Variants in SLC25A41 observed in about 807,000 individuals in gnomAD.
SLC25A41 encodes the protein solute carrier family 25 member 41.
In SLC25A41, 35 loss-of-function variants were observed where a neutral mutation model predicts 34.7. The ratio of observed to expected loss-of-function variants is 1.01; its 90% CI spans 0.77 to 1.34. The LOEUF is 1.34. Among genes scored for constraint, SLC25A41 ranks in the 40% most tolerant of loss-of-function variants. The pLI is 0.00. For synonymous variants in SLC25A41, 190 were observed against 209.9 expected (o/e 0.91, Z 0.82); for missense variants, 492 against 489.8 (o/e 1.00, Z -0.04).
chr19:6,429,120 T>TATATATGTTACATATATATA (rs2092263831), intron 4 of SLC25A41, among the ~76,000 whole-genome samples: 1 of 34,428 alleles, frequency 2.9e-5, no homozygotes, highest in African/African-American at 1.4e-4. Context: ...ATATATATAT[T>TATATATGTTACATATATATA]ATATATATGT....
In SLC25A41 at chr19:6,429,074, A is replaced by T. The variant is rs189352236; in HGVS notation, c.624+650T>A. The stretch of plus-strand genomic sequence containing the variant: ...TTATATATATGTTATATATATATAT[A>T]ATATATATATTATATATATGTTACA... On this transcript the variant is annotated intron_variant, in intron 4 of 6. Transcript: ENST00000321510. Among the ~76,000 whole-genome samples the T allele has an allele frequency of 6.3e-4, 36 of 57,256 alleles. 5 individuals carry two copies. Among genetic ancestry groups the T allele is most frequent in the Admixed American group, 6.8e-4 (2 of 2,928 alleles). The allele number at this position is 57,256 out of a possible 152,430, so 37.6% of individuals were successfully genotyped here. A position where few individuals can be genotyped will look rare whatever the true frequency, so the allele number is the denominator to read the frequency against.
rs2092261352 is a variant in SLC25A41 at position 6,429,083 on chromosome 19, AT to A, written c.624+640del. On this transcript the variant is annotated intron_variant, in intron 4 of 6. Transcript: ENST00000321510. ...TGTTATATATATATATAATATATATATTATATATATGTTACATATATATATA... is the reference window on the plus strand; with the variant it reads ...TGTTATATATATATATAATATATATATATATATATGTTACATATATATATA... Among the ~76,000 whole-genome samples, 4 of 46,578 alleles carry A rather than the reference AT, an allele frequency of 8.6e-5. 2 individuals carry two copies. The highest frequency in any genetic ancestry group is 5.2e-4 in the African/African-American group (4 of 7,636). The allele number at this position is 46,578 out of a possible 152,430, so 30.6% of individuals were successfully genotyped here. A position where few individuals can be genotyped will look rare whatever the true frequency, so the allele number is the denominator to read the frequency against.
In SLC25A41 at chr19:6,427,593, A is replaced by G; in HGVS notation, c.625-92T>C. 1 of 1,353,984 alleles carries G rather than the reference A, an allele frequency of 7.4e-7. No individual in the cohort carries two copies. Among genetic ancestry groups the G allele is most frequent in the Non-Finnish European group, 9.7e-7 (1 of 1,031,738 alleles). 83.9% of individuals were successfully genotyped at this position (1,353,984 alleles called of 1,614,324 possible). ...TTGTCCCCACCCTACAAACAAGGAAAATGAGGCTCAGGAAGGCAAAGAGCT... is the reference window on the plus strand; with the variant it reads ...TTGTCCCCACCCTACAAACAAGGAAGATGAGGCTCAGGAAGGCAAAGAGCT... On this transcript the variant is annotated intron_variant, in intron 4 of 6. Transcript: ENST00000321510. The surrounding 1 kb of genome is among the most constrained non-coding windows in gnomAD (Gnocchi z 4.9).
rs34519561 is a variant in SLC25A41, at chr19:6,432,473, A to ATTTTTTT, written c.208-276_208-270dup. The stretch of plus-strand genomic sequence containing the variant: ...TTATAGGCATGCACCACAACACCTA[A>ATTTTTTT]TTTTTTTTTTTTTTTTTTTTTTTTT... On this transcript the variant is annotated intron_variant, in intron 1 of 6. Coordinates refer to ENST00000321510, the MANE Select transcript of SLC25A41 (RefSeq NM_173637.4). Among the ~76,000 whole-genome samples the ATTTTTTT allele has an allele frequency of 1.5e-3, 120 of 80,992 alleles. 3 individuals carry two copies. Among genetic ancestry groups the ATTTTTTT allele is most frequent in the African/African-American group, 6.3e-3 (116 of 18,404 alleles). The allele number at this position is 80,992 out of a possible 152,430, so 53.1% of individuals were successfully genotyped here.
chr19:6,429,876 C>T (rs370851064), intron 3 of SLC25A41, 45 bp from the exon 4 acceptor site: 25 of 1,599,288 alleles, frequency 1.6e-5, no homozygotes, highest in African/African-American at 2.7e-5. Flanking sequence ...AGCCACCCTC[C>T]GACACAAAAC....
intron 4 of SLC25A41, among the ~76,000 whole-genome samples, chr19:6,429,348 A>AGGAGGGAAGGAG (rs374647190): frequency 8.9e-5 from 1 of 11,182 alleles, no homozygotes; most frequent in Non-Finnish European, 2.3e-4. Flanking sequence ...GGGAAGAGGG[A>AGGAGGGAAGGAG]GAGGAGGGAG....
At position 6,433,494 on chromosome 19, in the gene SLC25A41, G is replaced by T; in HGVS notation, c.200C>A (p.Ser67Ter). 6.2e-7 allele frequency: 1 copy of T among 1,612,500 alleles called. No individual in the cohort carries two copies. Among genetic ancestry groups the T allele is most frequent in the Non-Finnish European group, 8.5e-7 (1 of 1,179,844 alleles). Residue 67 changes from serine to a stop codon, truncating the protein, a stop_gained, in exon 1 of 7, where the codon TCA (serine) becomes TAA (stop). Coordinates refer to ENST00000321510, the MANE Select transcript of SLC25A41 (RefSeq NM_173637.4). LOFTEE classifies it high-confidence loss of function. ...MHDNNLEHLP[S>*]QQVLDTGEQL... ...GGTGTTTCCTAAACTCACCTGCTGT[G>T]ACGGGAGATGTTCAAGGTTGTTGTC...
intron 2 of SLC25A41, 29 bp from the exon 3 acceptor site, chr19:6,430,190 C>T (rs763760350): frequency 6.3e-7 from 1 of 1,588,692 alleles, no homozygotes; most frequent in East Asian, 2.2e-5. Context: ...CTGGAGGAGC[C>T]CCTGCTCGCC....
At position 6,427,341 on chromosome 19, in the gene SLC25A41, ACAGC is replaced by A; in HGVS notation, c.781_784del (p.Ala261SerfsTer10). ...CCTCTGCAGGACCCATACCTCATAGACAGCCAGGTCGGTGCAGGCATAGGGGATG... is the reference window on the plus strand; with the variant it reads ...CCTCTGCAGGACCCATACCTCATAGACAGGTCGGTGCAGGCATAGGGGATG... On this transcript the variant is annotated frameshift_variant, in exon 5 of 7. Coordinates refer to ENST00000321510, the MANE Select transcript of SLC25A41 (RefSeq NM_173637.4). LOFTEE classifies it high-confidence loss of function. This position sits in a 1 kb window ranked among gnomAD's most constrained non-coding sequence, Gnocchi z 4.9. 1 of 1,606,288 alleles carries A rather than the reference ACAGC, an allele frequency of 6.2e-7. No individual in the cohort carries two copies. Among genetic ancestry groups the A allele is most frequent in the Non-Finnish European group, 8.5e-7 (1 of 1,175,032 alleles).
intron 4 of SLC25A41, among the ~76,000 whole-genome samples, chr19:6,428,595 ATAAT>A (rs2092255113): frequency 1.4e-5 from 2 of 147,682 alleles, no homozygotes; most frequent in Non-Finnish European, 3.0e-5. Context: ...ATGTAATTAT[ATAAT>A]TAGATACATT....
In SLC25A41 at chr19:6,426,256, AC is replaced by A. The variant is rs1444633422; in HGVS notation, c.*132del. ...TCTTCTGACCCAGAGCCCCACCCCC[AC>A]CCCCAGCCTGCTTTTGCCACCAAAA... On this transcript the variant is annotated 3_prime_UTR_variant, in exon 7 of 7. Coordinates refer to ENST00000321510, the MANE Select transcript of SLC25A41 (RefSeq NM_173637.4). 3 of 109,368 alleles carry A rather than the reference AC, an allele frequency of 2.7e-5. No homozygotes were observed. The highest frequency in any genetic ancestry group is 1.3e-4 in the Admixed American group (1 of 7,846). 6.8% of individuals were successfully genotyped at this position (109,368 alleles called of 1,614,324 possible).
chr19:6,429,439 GAAGGAGGAGGA>G, intron 4 of SLC25A41, among the ~76,000 whole-genome samples: 5 of 84,322 alleles, frequency 5.9e-5, no homozygotes, highest in East Asian at 4.5e-4. Context: ...AAGGAGGAGG[GAAGGAGGAGGA>G]AGAAAGGAGG....
Position 6,427,971 on chromosome 19 carries a change from T to C in SLC25A41, c.625-470A>G, listed in dbSNP as rs2092251796. ...ATTGAAGACAGCTGGCAAAACTTTA[T>C]GGCAAAAAGATCAAGCACTGGGGGG... On this transcript the variant is annotated intron_variant, in intron 4 of 6. Coordinates refer to ENST00000321510, the MANE Select transcript of SLC25A41 (RefSeq NM_173637.4). This position sits in a 1 kb window ranked among gnomAD's most constrained non-coding sequence, Gnocchi z 4.9. Among the ~76,000 whole-genome samples, 1 of 152,108 alleles carries C rather than the reference T, an allele frequency of 6.6e-6. No homozygotes were observed. The highest frequency in any genetic ancestry group is 1.5e-5 in the Non-Finnish European group (1 of 68,018).
At chr19:6,435,353 C>T (rs1031430587), upstream of SLC25A41, among the ~76,000 whole-genome samples, 1 of 152,062 alleles carries the variant, frequency 6.6e-6, no homozygotes, top group Non-Finnish European at 1.5e-5. Context: ...CCTCTCTGTT[C>T]AGGTGGTTCT....
chr19:6,432,343 T>C (rs2092289230), intron 1 of SLC25A41, 139 bp from the exon 2 acceptor site: 3 of 902,552 alleles, frequency 3.3e-6, no homozygotes, highest in South Asian at 3.6e-5. Flanking sequence ...GACGGAGTCT[T>C]GCTCTGCTGC....
intron 1 of SLC25A41, among the ~76,000 whole-genome samples, chr19:6,432,802 C>G (rs1235174744): frequency 1.3e-5 from 2 of 151,450 alleles, no homozygotes; most frequent in Non-Finnish European, 1.5e-5. Context: ...TCCCCAGTAG[C>G]TGGGATTACA....
intron 4 of SLC25A41, among the ~76,000 whole-genome samples, chr19:6,429,499 A>AG (rs2092273543): frequency 1.7e-5 from 1 of 59,646 alleles, no homozygotes; most frequent in Non-Finnish European, 3.7e-5. Context: ...AGGAGGGAGA[A>AG]AGGAGGAGGA....
At chr19:6,429,259 ATG>A (rs1327836068) in intron 4 of SLC25A41, among the ~76,000 whole-genome samples, 2 of 109,036 alleles carry the variant, frequency 1.8e-5, no homozygotes, top group Non-Finnish European at 3.6e-5. Context: ...ATATATGTAT[ATG>A]TGTTATATAT....
In SLC25A41 at chr19:6,433,637, A is replaced by T; in HGVS notation, c.57T>A (p.Phe19Leu). 6.2e-7 allele frequency: 1 copy of T among 1,607,428 alleles called. No homozygotes were observed. Among genetic ancestry groups the T allele is most frequent in the Non-Finnish European group, 8.5e-7 (1 of 1,175,764 alleles). ...QNTCSRIQTL[F>L]RRVKTLLIKA... is the part of the protein sequence containing the mutation. ...TGATGAGTAAGGTCTTGACCCTCCT[A>T]AACAGTGTCTGGATCCTAGAGCAAG... The change falls in exon 1 of 7, where the codon TTT becomes TTA. Residue 19 changes from phenylalanine (F) to leucine (L), a missense_variant. Transcript: ENST00000321510.
Sources: gnomAD v4.1 joint callset for allele counts (sites outside exome capture counted in the v4.1 genomes callset) on GRCh38, gnomAD v4.1.1 for gene constraint, Gnocchi (gnomAD v3.1) non-coding constraint, MANE v1.5 for transcripts, NCBI Gene and HGNC (gene_info 2026-07-23, HGNC 2026-07-21) for gene names.